Variants in PRPSAP1 observed in about 807,000 individuals in gnomAD.
PRPSAP1 encodes phosphoribosyl pyrophosphate synthase-associated protein 1.
PRPSAP1 carries 31 observed loss-of-function variants against 39.4 expected under a neutral mutation model. The ratio of observed to expected loss-of-function variants is 0.79; its 90% CI spans 0.59 to 1.06. The LOEUF is 1.06. Among genes scored for constraint, PRPSAP1 ranks in the 50% least tolerant of loss-of-function variants. The pLI is 0.00. For synonymous variants in PRPSAP1, 212 were observed against 192.6 expected (o/e 1.10, Z -0.83); for missense variants, 430 against 511.6 (o/e 0.84, Z 1.54).
At position 76,330,648 on chromosome 17, in the gene PRPSAP1, G is replaced by A. The variant is rs751014589; in HGVS notation, c.482C>T (p.Thr161Ile). ...LAKAGLTHII[T>I]MDLHQKEIQG... Reference sequence around the variant, plus strand: ...TATTTCCTTTTGATGAAGATCCATAGTGATAATGTGAGTTAAACCTGAAAT... The same window carrying A: ...TATTTCCTTTTGATGAAGATCCATAATGATAATGTGAGTTAAACCTGAAAT... The change falls in exon 5 of 10, where the codon ACT (threonine) becomes ATT (isoleucine). Residue 161 changes from threonine (T) to isoleucine (I), a missense_variant. By Grantham distance (89) the Thr-to-Ile change is moderately conservative. Coordinates refer to ENST00000446526, the MANE Select transcript of PRPSAP1 (RefSeq NM_002766.3). 7.4e-6 allele frequency: 12 copies of A among 1,610,932 alleles called. No homozygotes were observed. The Admixed American group carries it at 8.4e-5, about 11-fold the overall frequency.
intron 9 of PRPSAP1, among the ~76,000 whole-genome samples, 192 bp from the exon 10 acceptor site, chr17:76,311,892 G>A (rs932567217): frequency 6.6e-6 from 1 of 152,070 alleles, no homozygotes; most frequent in Non-Finnish European, 1.5e-5. Context: ...CATGGCCTCA[G>A]AACACAAGAC....
chr17:76,348,480 C>A (rs559174001), intron 2 of PRPSAP1, 49 bp downstream of exon 2: 1 of 1,228,738 alleles, frequency 8.1e-7, no homozygotes, highest in Non-Finnish European at 1.1e-6. Flanking sequence ...CTCAAAAAAA[C>A]TAAATAAATA....
intron 3 of PRPSAP1, among the ~76,000 whole-genome samples, chr17:76,335,194 C>T (rs1015545468): frequency 6.6e-6 from 1 of 152,116 alleles, no homozygotes; most frequent in African/African-American, 2.4e-5. Context: ...TGCAATCTTC[C>T]CATCTCAGCC....
intron 6 of PRPSAP1, among the ~76,000 whole-genome samples, chr17:76,329,560 C>A (rs1053208585): frequency 6.6e-5 from 10 of 151,950 alleles, no homozygotes; most frequent in Non-Finnish European, 1.3e-4. Flanking sequence ...CATGGTGAAA[C>A]CCCATCTCTA....
At position 76,323,154 on chromosome 17, in the gene PRPSAP1, C is replaced by T. The variant is rs143905774; in HGVS notation, c.781+5563G>A. Reference sequence around the variant, plus strand: ...GTCAGGAGTTTGAGATCAGCCTGGCCAACATGGTGAAACCCTGTCTCTATT... The same window carrying T: ...GTCAGGAGTTTGAGATCAGCCTGGCTAACATGGTGAAACCCTGTCTCTATT... On this transcript the variant is annotated intron_variant, in intron 7 of 9. Transcript: ENST00000446526. Among the ~76,000 whole-genome samples the T allele has an allele frequency of 1.9e-4, 22 of 115,648 alleles. No homozygotes were observed. In the East Asian group the frequency reaches 4.8e-3, roughly 25 times the overall value. 75.9% of individuals were successfully genotyped at this position (115,648 alleles called of 152,430 possible).
At chr17:76,321,085 G>C (rs2071192631) in intron 7 of PRPSAP1, among the ~76,000 whole-genome samples, 2 of 151,918 alleles carry the variant, frequency 1.3e-5, no homozygotes, top group South Asian at 4.1e-4. Context: ...GCCCAGCCAG[G>C]GTGCCATTTT....
chr17:76,332,131 C>T (rs1042631445), intron 4 of PRPSAP1, 132 bp downstream of exon 4: 7 of 1,148,304 alleles, frequency 6.1e-6, no homozygotes, highest in Middle Eastern at 3.1e-4. Context: ...CTCACATATC[C>T]TTAGCCAAAA....
At chr17:76,345,454 G>T (rs1387058654) in intron 2 of PRPSAP1, among the ~76,000 whole-genome samples, 1 of 151,484 alleles carries the variant, frequency 6.6e-6, no homozygotes, top group African/African-American at 2.4e-5. Flanking sequence ...GTGACACAGC[G>T]AGATTCTATC....
intron 7 of PRPSAP1, among the ~76,000 whole-genome samples, chr17:76,317,677 T>C (rs2071139500): frequency 6.6e-6 from 1 of 152,204 alleles, no homozygotes; most frequent in African/African-American, 2.4e-5. Context: ...TGTTTTCACT[T>C]CAGTGGTGAA....
At chr17:76,353,410 G>C in intron 1 of PRPSAP1, 124 bp downstream of exon 1, 1 of 993,340 alleles carries the variant, frequency 1.0e-6, no homozygotes, top group Non-Finnish European at 1.4e-6. Flanking sequence ...GTCCGGCTGG[G>C]AAGGCCCGCG....
rs116198769 is a variant in PRPSAP1 at position 76,314,895 on chromosome 17, C to T, written c.782-1004G>A. ...GAAACCCCACTCTCACAGAGACTGACAGAGACATGCAGAAGGAATGCCGCT... is the reference window on the plus strand; with the variant it reads ...GAAACCCCACTCTCACAGAGACTGATAGAGACATGCAGAAGGAATGCCGCT... On this transcript the variant is annotated intron_variant, in intron 7 of 9. Transcript: ENST00000446526. Among the ~76,000 whole-genome samples the T allele has an allele frequency of 2.0e-5, 3 of 152,178 alleles. No homozygotes were observed. The South Asian group carries it at 6.2e-4, about 31-fold the overall frequency.
intron 7 of PRPSAP1, among the ~76,000 whole-genome samples, chr17:76,315,828 C>T (rs1287855566): frequency 6.7e-6 from 1 of 148,844 alleles, no homozygotes; most frequent in Admixed American, 6.8e-5. Context: ...GATTCTCCTG[C>T]TTCAGCCTCC....
At chr17:76,321,072 C>G (rs190853684) in intron 7 of PRPSAP1, among the ~76,000 whole-genome samples, 2 of 152,186 alleles carry the variant, frequency 1.3e-5, no homozygotes, top group East Asian at 3.9e-4. Context: ...CATGAGCCAC[C>G]GTGCCCAGCC....
At chr17:76,316,138 T>C (rs1463945122) in intron 7 of PRPSAP1, among the ~76,000 whole-genome samples, 1 of 134,222 alleles carries the variant, frequency 7.5e-6, no homozygotes, top group Non-Finnish European at 1.5e-5. Flanking sequence ...ATCGCACCAC[T>C]GCACACCAGC....
Position 76,353,860 on chromosome 17 carries a change from T to C in PRPSAP1, c.-157A>G, listed in dbSNP as rs1453437902. 13 of 1,337,298 alleles carry C rather than the reference T, an allele frequency of 9.7e-6. No homozygotes were observed. The South Asian group carries it at 1.5e-4, about 16-fold the overall frequency. The allele number at this position is 1,337,298 out of a possible 1,614,324, so 82.8% of individuals were successfully genotyped here. On this transcript the variant is annotated 5_prime_UTR_variant, in exon 1 of 10. Transcript: ENST00000446526. Reference sequence around the variant, plus strand: ...CGTGCCCTTGCGCACCCCACACCACTGACTACAGCGGCCGAGCCTTCGCAG... The same window carrying C: ...CGTGCCCTTGCGCACCCCACACCACCGACTACAGCGGCCGAGCCTTCGCAG...
chr17:76,346,512 T>C (rs956160635), intron 2 of PRPSAP1, among the ~76,000 whole-genome samples: 7 of 152,220 alleles, frequency 4.6e-5, no homozygotes, highest in Non-Finnish European at 8.8e-5. Context: ...CCCCCCATAA[T>C]TGATTACCAG....
At chr17:76,315,883 T>C (rs913498889) in intron 7 of PRPSAP1, among the ~76,000 whole-genome samples, 1 of 151,520 alleles carries the variant, frequency 6.6e-6, no homozygotes, top group Non-Finnish European at 1.5e-5. Flanking sequence ...TCTGGCTAAT[T>C]TTTTGTATTT....
intron 7 of PRPSAP1, 35 bp from the exon 8 acceptor site, chr17:76,313,926 A>G (rs1312589659): frequency 1.2e-6 from 2 of 1,606,850 alleles, no homozygotes; most frequent in Admixed American, 3.3e-5. Flanking sequence ...GATCTCAGTC[A>G]TTCATGTATC....
intron 7 of PRPSAP1, among the ~76,000 whole-genome samples, chr17:76,320,423 C>CT (rs71161282): frequency 0.52 from 37,628 of 73,046 alleles, 13,914 homozygotes; most frequent in Non-Finnish European, 0.66. Context: ...GCAGATAATG[C>CT]TTTTTTTTTT....
Sources: allele counts gnomAD v4.1 joint callset (sites outside exome capture counted in the v4.1 genomes callset), GRCh38; gene constraint gnomAD v4.1.1; transcripts MANE v1.5; gene names NCBI Gene and HGNC (gene_info 2026-07-23, HGNC 2026-07-21).